SUMF1: variants seen among roughly 807,000 people sequenced by gnomAD.
The protein encoded by SUMF1 is sulfatase modifying factor 1.
In SUMF1, 48 loss-of-function variants were observed where a neutral mutation model predicts 47.6. The observed-to-expected ratio is 1.01, with a 90% CI of 0.80 to 1.28. SUMF1 has a LOEUF of 1.28. SUMF1 is among the 50% of genes most tolerant of loss of function. The pLI, the probability that SUMF1 is intolerant of heterozygous loss-of-function variation, is 0.00. For missense variants in SUMF1, 571 were observed against 485.4 expected, an observed-to-expected ratio of 1.18 and a Z score of -1.66; for synonymous variants, 230 against 192.1, an observed-to-expected ratio of 1.20 and a Z score of -1.63.
chr3:4,202,547 C>G (rs1342865752), intron 8 of SUMF1, among the ~76,000 whole-genome samples: 1 of 151,954 alleles, frequency 6.6e-6, no homozygotes, highest in Non-Finnish European at 1.5e-5. Context: ...TGTTATTCCT[C>G]TAGTTTTGTT....
chr3:4,102,070 C>G (rs992049113), intron 8 of SUMF1, among the ~76,000 whole-genome samples: 2 of 152,158 alleles, frequency 1.3e-5, no homozygotes, highest in Admixed American at 1.3e-4. Flanking sequence ...GGGGTAACTG[C>G]CTCCATGACT....
chr3:4,281,489 T>A (rs1273957666), intron 8 of SUMF1, among the ~76,000 whole-genome samples: 5 of 152,216 alleles, frequency 3.3e-5, no homozygotes, highest in Middle Eastern at 3.4e-3. Flanking sequence ...TTTTTACAGG[T>A]AAAGTAACTG....
At chr3:4,163,350 C>G (rs1469953392) in intron 8 of SUMF1, among the ~76,000 whole-genome samples, 5 of 75,186 alleles carry the variant, frequency 6.7e-5, no homozygotes, top group African/African-American at 2.1e-4. Flanking sequence ...GAGAGAGAGA[C>G]AGAGAGAGAG....
intron 8 of SUMF1, among the ~76,000 whole-genome samples, chr3:4,169,657 C>A (rs574954632): frequency 1.3e-5 from 2 of 152,270 alleles, no homozygotes; most frequent in Admixed American, 6.5e-5. Context: ...CAAACTAATG[C>A]AATCACCGTT....
chr3:4,390,564 C>G (rs1233724301), intron 7 of SUMF1, among the ~76,000 whole-genome samples: 1 of 152,066 alleles, frequency 6.6e-6, no homozygotes, highest in African/African-American at 2.4e-5. Context: ...TTCCCTAGCT[C>G]CAAGTCAGGG....
At chr3:4,134,397 A>G (rs572251708) in intron 8 of SUMF1, among the ~76,000 whole-genome samples, 18 of 152,306 alleles carry the variant, frequency 1.2e-4, no homozygotes, top group Admixed American at 9.8e-4. Flanking sequence ...GAAGGCAGAA[A>G]TAAAGATGTT....
intron 8 of SUMF1, among the ~76,000 whole-genome samples, chr3:4,185,971 C>A (rs1296943079): frequency 6.6e-6 from 1 of 152,122 alleles, no homozygotes; most frequent in Non-Finnish European, 1.5e-5. Context: ...AAATGTCTTG[C>A]CTTGGATATC....
chr3:4,236,836 C>G (rs962045350), intron 8 of SUMF1, among the ~76,000 whole-genome samples: 1 of 152,080 alleles, frequency 6.6e-6, no homozygotes, highest in African/African-American at 2.4e-5. Flanking sequence ...CGTATAATGA[C>G]AAACCATTAT....
chr3:4,172,363 T>C (rs948928516), intron 8 of SUMF1, among the ~76,000 whole-genome samples: 1 of 152,160 alleles, frequency 6.6e-6, no homozygotes, highest in African/African-American at 2.4e-5. Flanking sequence ...GAGTTTTTAA[T>C]GTCTATAAAA....
chr3:4,200,720 A>C (rs1173212793), intron 8 of SUMF1, among the ~76,000 whole-genome samples: 1 of 152,044 alleles, frequency 6.6e-6, no homozygotes, highest in Non-Finnish European at 1.5e-5. Flanking sequence ...TTATGTACCT[A>C]TCTATCTGTC....
In SUMF1 at chr3:4,235,030, T is replaced by C. The variant is rs536214328; in HGVS notation, c.1014+141300A>G. On this transcript the variant is annotated intron_variant and NMD_transcript_variant, in intron 8 of 12. Transcript: ENST00000448413. ...TTAAAAAGATCACTCCGGCTGCAGT[T>C]GGGTGAATAAATTTGAAGACAGTAA... is the stretch of plus-strand genomic sequence containing the variant. 2.0e-5 allele frequency among the ~76,000 whole-genome samples: 3 copies of C among 152,242 alleles called. No individual in the cohort carries two copies. In the East Asian group the frequency reaches 5.8e-4, roughly 29 times the overall value.
chr3:4,166,724 T>A (rs1694715009), intron 8 of SUMF1, among the ~76,000 whole-genome samples: 1 of 152,056 alleles, frequency 6.6e-6, no homozygotes, highest in Admixed American at 6.5e-5. Flanking sequence ...TGATGTAACT[T>A]TAAGAGTTCC....
intron 9 of SUMF1, among the ~76,000 whole-genome samples, chr3:4,037,095 C>T (rs1694814590): frequency 6.6e-6 from 1 of 152,038 alleles, no homozygotes; most frequent in South Asian, 2.1e-4. Flanking sequence ...CTAGACTACA[C>T]CACAGAAATA....
intron 1 of SUMF1, 112 bp downstream of exon 1, chr3:4,466,864 G>C: frequency 1.4e-6 from 2 of 1,460,712 alleles, no homozygotes; most frequent in Non-Finnish European, 9.2e-7. Context: ...GCTCGATTTG[G>C]GGTGTGGTTA....
intron 7 of SUMF1, among the ~76,000 whole-genome samples, chr3:4,397,140 G>C (rs1701064079): frequency 6.6e-6 from 1 of 152,174 alleles, no homozygotes; most frequent in Non-Finnish European, 1.5e-5. Context: ...CAACACAAAG[G>C]AACATGCCTG....
intron 8 of SUMF1, chr3:4,303,567 C>CT: frequency 7.5e-7 from 1 of 1,338,280 alleles, no homozygotes; most frequent in Non-Finnish European, 9.5e-7. Context: ...GGGCGCGCGG[C>CT]TCCCCCACGT....
intron 8 of SUMF1, chr3:4,317,254 G>T: frequency 1.3e-6 from 2 of 1,514,806 alleles, no homozygotes; most frequent in South Asian, 1.2e-5. Flanking sequence ...TAATAAAAAT[G>T]CGTTGAGCCT....
intron 8 of SUMF1, among the ~76,000 whole-genome samples, chr3:4,172,502 A>G (rs1694854016): frequency 6.6e-6 from 1 of 152,190 alleles, no homozygotes; most frequent in Admixed American, 6.5e-5. Context: ...TTAAATCTTT[A>G]TAGCAACTCT....
In SUMF1 at chr3:4,146,276, A is replaced by G. The variant is rs146921006; in HGVS notation, c.1015-77531T>C. 2.0e-5 allele frequency among the ~76,000 whole-genome samples: 3 copies of G among 152,092 alleles called. No homozygotes were observed. In the East Asian group the frequency reaches 5.8e-4, roughly 29 times the overall value. ...TTAAAACGTGCAGAAATGAAGGGAGATGGTAAGAACAGAAGAGGGAGCAGC... is the reference window on the plus strand; with the variant it reads ...TTAAAACGTGCAGAAATGAAGGGAGGTGGTAAGAACAGAAGAGGGAGCAGC... On this transcript the variant is annotated intron_variant and NMD_transcript_variant, in intron 8 of 12. Transcript: ENST00000448413.
Sources: allele counts gnomAD v4.1 joint callset (sites outside exome capture counted in the v4.1 genomes callset), GRCh38; gene constraint gnomAD v4.1.1; transcripts MANE v1.5; gene names NCBI Gene and HGNC (gene_info 2026-07-23, HGNC 2026-07-21).